DIP2C: variants seen among roughly 807,000 people sequenced by gnomAD.
DIP2C encodes the protein DIP2 acetate--CoA ligase C (putative).
In DIP2C, 33 loss-of-function variants were observed where a neutral mutation model predicts 192.4. The observed-to-expected ratio is 0.17, with a 90% CI of 0.13 to 0.23. The LOEUF is 0.23. Among genes scored for constraint, DIP2C ranks in the 10% least tolerant of loss-of-function variants. The pLI, the probability that DIP2C is intolerant of heterozygous loss-of-function variation, is 1.00. For missense variants in DIP2C, 1,537 were observed against 2,110.1 expected (o/e 0.73, Z 5.32); for synonymous variants, 979 against 864.1 (o/e 1.13, Z -2.33).
intron 1 of DIP2C, among the ~76,000 whole-genome samples, chr10:576,785 T>C (rs189544936): frequency 4.6e-5 from 7 of 152,114 alleles, no homozygotes; most frequent in African/African-American, 1.7e-4. Flanking sequence ...CACGCGCCTG[T>C]AACCCCAGCT....
intron 1 of DIP2C, among the ~76,000 whole-genome samples, chr10:643,907 A>G (rs1168893050): frequency 1.3e-5 from 2 of 152,262 alleles, no homozygotes; most frequent in African/African-American, 2.4e-5. Context: ...GTATTTAAGG[A>G]AAAAGTGTAT....
At chr10:487,028 G>C (rs889137511) in intron 1 of DIP2C, among the ~76,000 whole-genome samples, 1 of 152,246 alleles carries the variant, frequency 6.6e-6, no homozygotes, top group Non-Finnish European at 1.5e-5. Flanking sequence ...AAGGCTAAGG[G>C]AAGAAGCAAA....
At chr10:573,463 C>G (rs1204888503) in intron 1 of DIP2C, among the ~76,000 whole-genome samples, 1 of 152,218 alleles carries the variant, frequency 6.6e-6, no homozygotes, top group Admixed American at 6.5e-5. Context: ...GGCTTGACGG[C>G]AGGGGCGCCA....
intron 2 of DIP2C, among the ~76,000 whole-genome samples, chr10:482,053 C>T (rs116661118): frequency 0.015 from 2,337 of 152,322 alleles, 65 homozygotes; most frequent in African/African-American, 0.053. Flanking sequence ...GATGGGAATC[C>T]GGATGGTCTG....
chr10:353,808 T>C (rs1024899037), intron 24 of DIP2C, among the ~76,000 whole-genome samples: 6 of 152,196 alleles, frequency 3.9e-5, no homozygotes, highest in African/African-American at 7.2e-5. Context: ...CGGACACTTA[T>C]GGTGTGTGGA....
chr10:294,369 G>A (rs2091173897), intron 32 of DIP2C, among the ~76,000 whole-genome samples: 1 of 152,158 alleles, frequency 6.6e-6, no homozygotes, highest in South Asian at 2.1e-4. Flanking sequence ...CACTTGGGGA[G>A]GCTGAGGCAG....
intron 1 of DIP2C, among the ~76,000 whole-genome samples, chr10:684,745 G>A (rs1365510396): frequency 6.6e-6 from 1 of 152,122 alleles, no homozygotes; most frequent in East Asian, 1.9e-4. Flanking sequence ...CTCCCACTGG[G>A]CCATCATTTT....
intron 1 of DIP2C, among the ~76,000 whole-genome samples, chr10:637,115 G>A (rs1022453154): frequency 1.8e-4 from 27 of 152,378 alleles, no homozygotes; most frequent in African/African-American, 5.5e-4. Flanking sequence ...TCCCACCTGC[G>A]TAAGATGGTG....
At chr10:362,443 C>T in intron 22 of DIP2C, 47 bp downstream of exon 22, 1 of 1,596,036 alleles carries the variant, frequency 6.3e-7, no homozygotes, top group South Asian at 1.1e-5. Flanking sequence ...CCGTGCAGCC[C>T]CAAGGGAACT....
intron 1 of DIP2C, among the ~76,000 whole-genome samples, chr10:658,348 G>C (rs1442692647): frequency 6.6e-6 from 1 of 151,886 alleles, no homozygotes. Flanking sequence ...CCTGCCCCTG[G>C]ACCTGCCCCT....
intron 1 of DIP2C, among the ~76,000 whole-genome samples, chr10:657,782 T>C: frequency 6.7e-6 from 1 of 148,312 alleles, no homozygotes; most frequent in African/African-American, 2.5e-5. Flanking sequence ...GACCTGATGC[T>C]GGACCTCTCC....
rs552996006 is a variant in DIP2C at position 370,904 on chromosome 10, T to C, written c.1992-1271A>G. 3.3e-5 allele frequency among the ~76,000 whole-genome samples: 5 copies of C among 152,210 alleles called. 1 individual carries two copies. In the South Asian group the frequency reaches 8.3e-4, roughly 25 times the overall value. Reference sequence around the variant, plus strand: ...CATTTGAATGAAGTAACTGGTGTATTGAAAAAAGCATGAAAGACTCTGGAA... The same window carrying C: ...CATTTGAATGAAGTAACTGGTGTATCGAAAAAAGCATGAAAGACTCTGGAA... On this transcript the variant is annotated intron_variant, in intron 17 of 36. Coordinates refer to ENST00000280886, the MANE Select transcript of DIP2C (RefSeq NM_014974.3).
chr10:515,191 T>C (rs1047458161), intron 1 of DIP2C, among the ~76,000 whole-genome samples: 2 of 152,236 alleles, frequency 1.3e-5, no homozygotes, highest in African/African-American at 4.8e-5. Context: ...TGAGTTTTAA[T>C]AGTAACTTGT....
chr10:477,328 G>A (rs559495496), intron 2 of DIP2C, among the ~76,000 whole-genome samples: 2 of 558 alleles, frequency 3.6e-3, no homozygotes, highest in African/African-American at 0.083. Context: ...GGAGAGGGAG[G>A]GGGAGGGAGG....
Position 364,575 on chromosome 10 carries a change from G to A in DIP2C, c.2276C>T (p.Pro759Leu). ...GATCGGAGCCCCGGAGCTTGTCATGGGAAACACCTGGGGGAAACAGCATCC... is the reference window on the plus strand; with the variant it reads ...GATCGGAGCCCCGGAGCTTGTCATGAGAAACACCTGGGGGAAACAGCATCC... ...GMTKNTFEVF[P>L]MTSSGAPISE... is the part of the protein sequence containing the mutation. Residue 759 changes from proline to leucine, a missense_variant, in exon 20 of 37, where the codon CCC becomes CTC. Transcript: ENST00000280886. 6.2e-7 allele frequency: 1 copy of A among 1,613,728 alleles called. No individual in the cohort carries two copies. Among genetic ancestry groups the A allele is most frequent in the Non-Finnish European group, 8.5e-7 (1 of 1,179,698 alleles).
chr10:408,396 A>C (rs1964959834), intron 9 of DIP2C, among the ~76,000 whole-genome samples: 1 of 152,190 alleles, frequency 6.6e-6, no homozygotes, highest in Admixed American at 6.5e-5. Flanking sequence ...ATTTACTTTT[A>C]AAAGAGGCCA....
At chr10:477,975 C>T (rs1413390329) in intron 2 of DIP2C, among the ~76,000 whole-genome samples, 3 of 67,424 alleles carry the variant, frequency 4.4e-5, no homozygotes, top group African/African-American at 2.0e-4. Context: ...AGGAAGGGAA[C>T]AGAAAGTAGA....
At chr10:544,713 A>C in intron 1 of DIP2C, among the ~76,000 whole-genome samples, 1 of 152,252 alleles carries the variant, frequency 6.6e-6, no homozygotes, top group East Asian at 1.9e-4. Flanking sequence ...TGTGCTTTTT[A>C]AGGCATTTAT....
chr10:414,739 G>GTGTGTATATATATATATATATATATATA, intron 7 of DIP2C, among the ~76,000 whole-genome samples: 32 of 90,526 alleles, frequency 3.5e-4, no homozygotes, highest in South Asian at 1.2e-3. Flanking sequence ...GTGTGTGTGT[G>GTGTGTATATATATATATATATATATATA]TACATATATA....
Sources: allele counts gnomAD v4.1 joint callset (sites outside exome capture counted in the v4.1 genomes callset), GRCh38; gene constraint gnomAD v4.1.1; transcripts MANE v1.5; gene names NCBI Gene and HGNC (gene_info 2026-07-23, HGNC 2026-07-21).